Variants in MAP2 observed in about 807,000 individuals in gnomAD.
MAP2 encodes the protein microtubule-associated protein 2.
Under a neutral mutation model 137.6 loss-of-function variants are expected in MAP2, and 14 were observed. That is an observed-to-expected ratio of 0.10 (90% CI 0.07 to 0.16). The LOEUF (loss-of-function observed/expected upper bound fraction) is 0.16, where lower values mean the gene tolerates loss of function less well. Ranked by LOEUF, MAP2 falls within the 10% of genes least tolerant of loss-of-function variation. MAP2 has a pLI of 1.00. For missense variants in MAP2, 2,088 were observed against 2,191.5 expected (o/e 0.95, Z 0.94); for synonymous variants, 786 against 782.3 (o/e 1.00, Z -0.08).
At position 209,424,476 on chromosome 2, in the gene MAP2, A is replaced by C. The variant is rs568563275; in HGVS notation, c.-222+200A>C. Among the ~76,000 whole-genome samples the C allele has an allele frequency of 5.9e-5, 9 of 152,248 alleles. No individual in the cohort carries two copies. In the South Asian group the frequency reaches 1.9e-3, roughly 32 times the overall value. On this transcript the variant is annotated intron_variant, in intron 1 of 15. Transcript: ENST00000682079. The stretch of plus-strand genomic sequence containing the variant: ...CTGTCCTCTCCAGGTGTCACTGCGG[A>C]GCAGGGGGCCGGACGCTACTGGTAC...
chr2:209,704,482 G>A, intron 11 of MAP2: 1 of 1,611,594 alleles, frequency 6.2e-7, no homozygotes. Flanking sequence ...CTGCTTTACA[G>A]GGTAGCACAA....
chr2:209,693,191 G>A lies in MAP2; in HGVS notation c.1021G>A (p.Ala341Thr). 1.9e-6 allele frequency: 3 copies of A among 1,612,524 alleles called. No homozygotes were observed. The highest frequency in any genetic ancestry group is 1.7e-6 in the Non-Finnish European group (2 of 1,179,582). The change falls in exon 8 of 16, where the codon GCC (alanine) becomes ACC (threonine). Residue 341 changes from alanine (A) to threonine (T), a missense_variant. Transcript: ENST00000682079. ...AATAGTTACAGAAACATCGCCCTTT[G>A]CCCCTGCCTTTTTACAGCCAGATGA... is the stretch of plus-strand genomic sequence containing the variant. ...NEIVTETSPFAPAFLQPDDKK... is the reference protein window; with the variant it reads ...NEIVTETSPFTPAFLQPDDKK...
chr2:209,665,615 T>C (rs1012276828), intron 5 of MAP2, among the ~76,000 whole-genome samples: 1 of 152,210 alleles, frequency 6.6e-6, no homozygotes, highest in Non-Finnish European at 1.5e-5. Flanking sequence ...TGGAAAGATA[T>C]TATGTATCCT....
intron 1 of MAP2, among the ~76,000 whole-genome samples, chr2:209,483,039 G>A (rs1166855998): frequency 6.6e-6 from 1 of 152,032 alleles, no homozygotes; most frequent in Non-Finnish European, 1.5e-5. Flanking sequence ...GCTGAGTTTA[G>A]AACTAAAGTC....
chr2:209,562,506 G>T (rs1200284417), intron 2 of MAP2, among the ~76,000 whole-genome samples: 1 of 152,002 alleles, frequency 6.6e-6, no homozygotes, highest in Admixed American at 6.6e-5. Flanking sequence ...AAACCAGCCT[G>T]TCCAACATGG....
intron 3 of MAP2, among the ~76,000 whole-genome samples, chr2:209,615,722 T>G (rs2089048938): frequency 6.6e-6 from 1 of 152,220 alleles, no homozygotes; most frequent in South Asian, 2.1e-4. Flanking sequence ...GTAAAAAGCC[T>G]GAAAGCCAAG....
At chr2:209,709,753 C>A (rs2064811856) in intron 12 of MAP2, among the ~76,000 whole-genome samples, 161 bp from the exon 13 acceptor site, 1 of 152,092 alleles carries the variant, frequency 6.6e-6, no homozygotes, top group Non-Finnish European at 1.5e-5. Flanking sequence ...CACCTGATTT[C>A]AGAAACGAGA....
rs2076071042 is a variant in MAP2 at position 209,733,618 on chromosome 2, T to C, written c.*3221T>C. 6.6e-6 allele frequency: 1 copy of C among 152,210 alleles called. No individual in the cohort carries two copies. The allele number at this position is 152,210 out of a possible 1,614,324, so 9.4% of individuals were successfully genotyped here. On this transcript the variant is annotated 3_prime_UTR_variant, in exon 16 of 16. Transcript: ENST00000682079. ...CTGCAATTACAGTTTTCTTCTATTT[T>C]TCAAGCCACAATAAGGAAAATAAAC...
chr2:209,730,310 G>A lies in MAP2; in HGVS notation c.5397G>A (p.Ser1799=), dbSNP rs1282174809. 1.3e-5 allele frequency: 21 copies of A among 1,613,936 alleles called. No individual in the cohort carries two copies. Among genetic ancestry groups the A allele is most frequent in the African/African-American group, 2.7e-5 (2 of 74,904 alleles). The change falls in exon 16 of 16, where the codon TCG becomes TCA. Residue 1799 remains serine, a synonymous_variant. Coordinates refer to ENST00000682079, the MANE Select transcript of MAP2 (RefSeq NM_001375505.1). ...ASPRRLSNVS[S]SGSINLLESP... is the part of the protein sequence containing the mutation. Reference sequence around the variant, plus strand: ...CCCGACGACTCAGCAATGTCTCCTCGTCTGGAAGCATCAACCTGCTCGAAT... The same window carrying A: ...CCCGACGACTCAGCAATGTCTCCTCATCTGGAAGCATCAACCTGCTCGAAT...
chr2:209,471,754 C>T (rs1705788873), intron 1 of MAP2, among the ~76,000 whole-genome samples: 1 of 147,644 alleles, frequency 6.8e-6, no homozygotes, highest in Admixed American at 7.0e-5. Flanking sequence ...AAATATAGTT[C>T]CTTGAGAATG....
intron 11 of MAP2, 98 bp from the exon 12 acceptor site, chr2:209,705,482 C>A: frequency 1.0e-6 from 1 of 956,074 alleles, no homozygotes; most frequent in Non-Finnish European, 1.5e-6. Context: ...AAAAGAAATT[C>A]ATTTATTAGC....
chr2:209,624,708 C>T lies in MAP2; in HGVS notation c.-106-345C>T, dbSNP rs149378077. On this transcript the variant is annotated intron_variant, in intron 3 of 15. Coordinates refer to ENST00000682079, the MANE Select transcript of MAP2 (RefSeq NM_001375505.1). Reference sequence around the variant, plus strand: ...TGATTTACTAGAATGAATGTATTCTCTTGGGAGAAAATATGATTGTCTGCT... The same window carrying T: ...TGATTTACTAGAATGAATGTATTCTTTTGGGAGAAAATATGATTGTCTGCT... 4.0e-3 allele frequency among the ~76,000 whole-genome samples: 609 copies of T among 152,194 alleles called. 6 individuals carry two copies. Among genetic ancestry groups the T allele is most frequent in the African/African-American group, 0.014 (574 of 41,560 alleles).
At chr2:209,653,000 A>T (rs369563886) in intron 4 of MAP2, 142 bp from the exon 5 acceptor site, 59 of 535,302 alleles carry the variant, frequency 1.1e-4, no homozygotes, top group African/African-American at 1.1e-3. Flanking sequence ...CCCATTCTTG[A>T]TATTAAACAT....
In MAP2 at chr2:209,436,304, A is replaced by G. The variant is rs1696269626; in HGVS notation, c.-222+12028A>G. 2.0e-5 allele frequency among the ~76,000 whole-genome samples: 3 copies of G among 151,564 alleles called. No homozygotes were observed. The Admixed American group carries it at 2.0e-4, about 10-fold the overall frequency. On this transcript the variant is annotated intron_variant, in intron 1 of 15. Transcript: ENST00000682079. ...ATTTTTATAGTTAATGTACTGTGGTAGGGATTGGCAAGCTATTTTATCAAA... is the reference window on the plus strand; with the variant it reads ...ATTTTTATAGTTAATGTACTGTGGTGGGGATTGGCAAGCTATTTTATCAAA...
At chr2:209,583,933 C>T (rs1055498934) in intron 3 of MAP2, among the ~76,000 whole-genome samples, 18 of 151,858 alleles carry the variant, frequency 1.2e-4, no homozygotes, top group African/African-American at 1.9e-4. Context: ...CTTCCCTCTG[C>T]GCTTTAGTAG....
intron 3 of MAP2, among the ~76,000 whole-genome samples, chr2:209,595,631 T>C (rs1052315722): frequency 6.6e-6 from 1 of 152,212 alleles, no homozygotes; most frequent in South Asian, 2.1e-4. Context: ...GCATTATAAA[T>C]CATGCTACTA....
chr2:209,665,527 TA>T, intron 5 of MAP2, among the ~76,000 whole-genome samples: 1 of 152,346 alleles, frequency 6.6e-6, no homozygotes. Context: ...ATGGGCAATC[TA>T]AATCTTAAAG....
At chr2:209,540,327 A>T (rs2066726467) in intron 2 of MAP2, among the ~76,000 whole-genome samples, 1 of 151,916 alleles carries the variant, frequency 6.6e-6, no homozygotes. Flanking sequence ...GTCTCCATTA[A>T]AAAATTAATG....
At chr2:209,729,248 T>C (rs1224649748) in intron 14 of MAP2, among the ~76,000 whole-genome samples, 1 of 152,186 alleles carries the variant, frequency 6.6e-6, no homozygotes, top group Non-Finnish European at 1.5e-5. Context: ...AAGAAAGAGA[T>C]GATGATCTGT....
Sources: gnomAD v4.1 joint callset for allele counts (sites outside exome capture counted in the v4.1 genomes callset) on GRCh38, gnomAD v4.1.1 for gene constraint, MANE v1.5 for transcripts, NCBI Gene and HGNC (gene_info 2026-07-23, HGNC 2026-07-21) for gene names.